The following GNG7 variants were observed in gnomAD, a reference collection of about 807,000 sequenced individuals.
GNG7 encodes G protein subunit gamma 7.
Under a neutral mutation model 4.0 loss-of-function variants are expected in GNG7, and 1 was observed. The observed-to-expected ratio is 0.25, with a 90% CI of 0.09 to 1.18. The LOEUF (loss-of-function observed/expected upper bound fraction) is 1.18, where lower values mean the gene tolerates loss of function less well. GNG7 is among the 50% of genes most tolerant of loss of function. The pLI is 0.50. For missense variants in GNG7, 86 were observed against 91.9 expected (o/e 0.94, Z 0.26); for synonymous variants, 34 against 36.9 (o/e 0.92, Z 0.29).
At chr19:2,575,117 C>G (rs1339224674) in intron 2 of GNG7, among the ~76,000 whole-genome samples, 1 of 139,264 alleles carries the variant, frequency 7.2e-6, no homozygotes, top group African/African-American at 2.8e-5. Context: ...TGGGGTCTTG[C>G]TCTATTGCCC....
intron 2 of GNG7, among the ~76,000 whole-genome samples, chr19:2,572,613 T>C (rs1980184150): frequency 6.7e-6 from 1 of 148,980 alleles, no homozygotes; most frequent in Non-Finnish European, 1.5e-5. Context: ...TTTTTTTTTT[T>C]TAAGAGTTAA....
intron 2 of GNG7, among the ~76,000 whole-genome samples, chr19:2,568,279 A>T (rs1979997764): frequency 7.5e-6 from 1 of 134,104 alleles, no homozygotes; most frequent in Admixed American, 8.0e-5. Flanking sequence ...ACACATATAG[A>T]CTTACACACA....
At chr19:2,632,740 C>T (rs1296640941) in intron 2 of GNG7, 1 of 152,168 alleles carries the variant, frequency 6.6e-6, no homozygotes, top group Admixed American at 6.5e-5. Flanking sequence ...ACTGCACTCG[C>T]ACCTGGGCAA....
At chr19:2,521,182 C>T (rs541859650) in intron 3 of GNG7, among the ~76,000 whole-genome samples, 8 of 151,758 alleles carry the variant, frequency 5.3e-5, no homozygotes, top group South Asian at 2.1e-4. Context: ...AGGAGAATGA[C>T]GTGAACCCGG....
At chr19:2,575,443 C>A (rs949771050) in intron 2 of GNG7, among the ~76,000 whole-genome samples, 1 of 152,184 alleles carries the variant, frequency 6.6e-6, no homozygotes, top group Non-Finnish European at 1.5e-5. Flanking sequence ...GCAGAACGGG[C>A]GCCTCCTCAG....
At chr19:2,517,657 G>A (rs923420589) in intron 4 of GNG7, among the ~76,000 whole-genome samples, 2 of 152,158 alleles carry the variant, frequency 1.3e-5, no homozygotes, top group Admixed American at 1.3e-4. Context: ...GAGCCACCGT[G>A]CCTGGCCTGG....
chr19:2,564,706 A>G (rs535163817), intron 2 of GNG7, among the ~76,000 whole-genome samples: 1 of 152,274 alleles, frequency 6.6e-6, no homozygotes, highest in South Asian at 2.1e-4. Flanking sequence ...AGAAGCTGGG[A>G]GAGGCCGGAA....
chr19:2,538,460 C>CAAAAAAAA, intron 3 of GNG7: 1 of 177,454 alleles, frequency 5.6e-6, no homozygotes, highest in Admixed American at 9.0e-5. Context: ...CCCGTCTCTG[C>CAAAAAAAA]AAAAAAAAAA....
intron 2 of GNG7, among the ~76,000 whole-genome samples, chr19:2,636,964 C>T (rs1274110875): frequency 6.6e-6 from 1 of 151,724 alleles, no homozygotes; most frequent in Admixed American, 6.6e-5. Context: ...CCACCTGCGC[C>T]CACCTGCACT....
rs1982030947 is a variant in GNG7 at position 2,626,713 on chromosome 19, C to A, written c.-78+19511G>T. Among the ~76,000 whole-genome samples, 1 of 152,138 alleles carries A rather than the reference C, an allele frequency of 6.6e-6. No homozygotes were observed. Among genetic ancestry groups the A allele is most frequent in the African/African-American group, 2.4e-5 (1 of 41,422 alleles). ...GGGTCTCAACTGGGGTAATTCTGTC[C>A]CCTCAGGGGACACTGGGCGGTGTCG... On this transcript the variant is annotated intron_variant, in intron 2 of 4. Coordinates refer to ENST00000382159, the MANE Select transcript of GNG7 (RefSeq NM_052847.3). This position sits in a 1 kb window ranked among gnomAD's most constrained non-coding sequence, Gnocchi z 5.0.
chr19:2,662,329 C>T (rs1356805465), intron 1 of GNG7, among the ~76,000 whole-genome samples: 1 of 151,482 alleles, frequency 6.6e-6, no homozygotes, highest in African/African-American at 2.4e-5. Flanking sequence ...TTTCCCCACA[C>T]ACCAGCTAGC....
rs71337161 is a variant in GNG7 at position 2,633,470 on chromosome 19, GGCGCGC to G, written c.-78+12748_-78+12753del. Among the ~76,000 whole-genome samples, 92 of 132,420 alleles carry G rather than the reference GGCGCGC, an allele frequency of 6.9e-4. No individual in the cohort carries two copies. Among genetic ancestry groups the G allele is most frequent in the African/African-American group, 2.7e-3 (83 of 30,526 alleles). 86.9% of individuals were successfully genotyped at this position (132,420 alleles called of 152,430 possible). ...CTGTTCAAGCGGTTGCTTAGCAACAGGCGCGCGCGCGCGCGCGCACACACACACACA... is the reference window on the plus strand; with the variant it reads ...CTGTTCAAGCGGTTGCTTAGCAACAGGCGCGCGCGCGCACACACACACACA... On this transcript the variant is annotated intron_variant, in intron 2 of 4. Transcript: ENST00000382159. The surrounding 1 kb of genome is among the most constrained non-coding windows in gnomAD (Gnocchi z 5.9).
At chr19:2,640,667 C>T (rs979550550) in intron 2 of GNG7, among the ~76,000 whole-genome samples, 1 of 152,118 alleles carries the variant, frequency 6.6e-6, no homozygotes, top group Non-Finnish European at 1.5e-5. Flanking sequence ...TGCCCTGTTG[C>T]CCAGGCTGGA....
At chr19:2,645,088 C>T (rs924724526) in intron 2 of GNG7, among the ~76,000 whole-genome samples, 2 of 152,114 alleles carry the variant, frequency 1.3e-5, no homozygotes, top group African/African-American at 2.4e-5. Flanking sequence ...ACTTCAGGGC[C>T]GGGTGCAATG....
intron 3 of GNG7, among the ~76,000 whole-genome samples, chr19:2,530,305 T>G (rs1978541717): frequency 6.6e-6 from 1 of 150,808 alleles, no homozygotes; most frequent in South Asian, 2.1e-4. Flanking sequence ...CCCAGCTACT[T>G]GGGAGGCTGA....
chr19:2,689,100 T>C (rs1913072808), intron 1 of GNG7, among the ~76,000 whole-genome samples: 1 of 151,570 alleles, frequency 6.6e-6, no homozygotes, highest in South Asian at 2.1e-4. Flanking sequence ...AAAATATTAC[T>C]TTTAATGGCA....
At chr19:2,655,811 C>G (rs538775808) in intron 1 of GNG7, among the ~76,000 whole-genome samples, 1 of 141,392 alleles carries the variant, frequency 7.1e-6, no homozygotes, top group East Asian at 2.1e-4. Flanking sequence ...TGCACTCCAG[C>G]CTGGGTGACG....
At chr19:2,603,274 C>T (rs187773840) in intron 2 of GNG7, among the ~76,000 whole-genome samples, 13 of 152,284 alleles carry the variant, frequency 8.5e-5, no homozygotes, top group Non-Finnish European at 1.3e-4. Flanking sequence ...ACCGTGTTAG[C>T]CAGGGTGATC....
At chr19:2,684,260 G>A (rs549338090) in intron 1 of GNG7, among the ~76,000 whole-genome samples, 9 of 151,132 alleles carry the variant, frequency 6.0e-5, no homozygotes, top group East Asian at 2.0e-4. Flanking sequence ...CCTCAGCCTC[G>A]CGAGTAGCTG....
Sources: gnomAD v4.1 joint callset for allele counts (sites outside exome capture counted in the v4.1 genomes callset) on GRCh38, gnomAD v4.1.1 for gene constraint, Gnocchi (gnomAD v3.1) non-coding constraint, MANE v1.5 for transcripts, NCBI Gene and HGNC (gene_info 2026-07-23, HGNC 2026-07-21) for gene names.